CFAP73: variants seen among roughly 807,000 people sequenced by gnomAD.
CFAP73 encodes the protein cilia and flagella associated protein 73, also known as cilia- and flagella-associated protein 73.
A neutral mutation model predicts 42.9 loss-of-function variants in CFAP73; 33 were observed. The observed-to-expected ratio is 0.77, with a 90% CI of 0.58 to 1.03. The LOEUF is 1.03. Among genes scored for constraint, CFAP73 ranks in the 50% least tolerant of loss-of-function variants. The pLI is 0.00. For synonymous variants in CFAP73, 162 were observed against 186.8 expected, an observed-to-expected ratio of 0.87 and a Z score of 1.08; for missense variants, 392 against 411.9, an observed-to-expected ratio of 0.95 and a Z score of 0.42.
intron 3 of CFAP73, 85 bp downstream of exon 3, chr12:113,152,972 A>ATTT (rs1952078926): frequency 9.8e-7 from 1 of 1,023,618 alleles, no homozygotes; most frequent in Admixed American, 2.4e-5. Context: ...ACAAAAATAA[A>ATTT]AGAAGTGGTT....
chr12:113,150,803 C>T (rs1405165268), intron 1 of CFAP73, among the ~76,000 whole-genome samples: 1 of 152,108 alleles, frequency 6.6e-6, no homozygotes, highest in Non-Finnish European at 1.5e-5. Context: ...ATTCTCAGCT[C>T]CTCCCTGCTC....
At chr12:113,151,777 A>G (rs1230137759) in intron 1 of CFAP73, 141 bp from the exon 2 acceptor site, 4 of 572,892 alleles carry the variant, frequency 7.0e-6, no homozygotes. Flanking sequence ...ACAAAGCAAG[A>G]CCCAAAAACA....
chr12:113,150,845 C>T (rs1286459589), intron 1 of CFAP73, among the ~76,000 whole-genome samples: 1 of 152,150 alleles, frequency 6.6e-6, no homozygotes, highest in Non-Finnish European at 1.5e-5. Context: ...CTCCCTCCCT[C>T]CTCTGCAGCC....
chr12:113,150,521 T>G (rs1952052470), intron 1 of CFAP73, among the ~76,000 whole-genome samples: 1 of 141,396 alleles, frequency 7.1e-6, no homozygotes, highest in Non-Finnish European at 1.5e-5. Context: ...AGCCTCATCC[T>G]TCCGGCTCCT....
At chr12:113,156,944 A>G (rs1478081292) in intron 6 of CFAP73, 2 of 152,136 alleles carry the variant, frequency 1.3e-5, no homozygotes, top group African/African-American at 4.8e-5. Flanking sequence ...ACCTCCCCTA[A>G]CACTCCCTGG....
Position 113,155,381 on chromosome 12 carries a change from C to A in CFAP73, c.812C>A (p.Thr271Asn), listed in dbSNP as rs1952110992. Residue 271 changes from threonine (T) to asparagine (N), a missense_variant, in exon 6 of 8, where the codon ACC (threonine) becomes AAC (asparagine). Physicochemically the swap from Thr to Asn is moderately conservative, Grantham distance 65. Transcript: ENST00000335621. ...TGCCAGCATCAGGGGCAGCCTCCCACCCTGGACATCGAGGACACGGAGGGA... is the reference window on the plus strand; with the variant it reads ...TGCCAGCATCAGGGGCAGCCTCCCAACCTGGACATCGAGGACACGGAGGGA... The part of the protein sequence containing the change: ...LVCQHQGQPP[T>N]LDIEDTEGQL... 9 of 1,551,352 alleles carry A rather than the reference C, an allele frequency of 5.8e-6. No homozygotes were observed. The highest frequency in any genetic ancestry group is 7.8e-6 in the Non-Finnish European group (9 of 1,146,644).
At position 113,154,483 on chromosome 12, in the gene CFAP73, A is replaced by C. The variant is rs1378365254; in HGVS notation, c.538A>C (p.Arg180=). 6.5e-7 allele frequency: 1 copy of C among 1,540,652 alleles called. No homozygotes were observed. Among genetic ancestry groups the C allele is most frequent in the Admixed American group, 2.0e-5 (1 of 50,388 alleles). The change falls in exon 5 of 8, where the codon AGG becomes CGG. Residue 180 remains arginine (R), a synonymous_variant. Transcript: ENST00000335621. The surrounding 1 kb of genome is among the most constrained non-coding windows in gnomAD (Gnocchi z 4.7). ...LAETQAALRL[R]EREQLAELEA... ...CGAGACGCAGGCGGCGCTGAGGCTC[A>C]GGGAGCGCGAGCAGCTCGCGGAGCT...
In CFAP73 at chr12:113,154,768, T is replaced by A. The variant is rs900426425; in HGVS notation, c.690+133T>A. 7.5e-7 allele frequency: 1 copy of A among 1,325,686 alleles called. No individual in the cohort carries two copies. The highest frequency in any genetic ancestry group is 1.5e-5 in the African/African-American group (1 of 64,530). 82.1% of individuals were successfully genotyped at this position (1,325,686 alleles called of 1,614,324 possible). On this transcript the variant is annotated intron_variant, in intron 5 of 7. Transcript: ENST00000335621. This position sits in a 1 kb window ranked among gnomAD's most constrained non-coding sequence, Gnocchi z 4.7. ...GGGTCCGCTGCACTAAGGAGGGGAA[T>A]CTCAGGCATCACCGAGCCGTTTCGG... is the stretch of plus-strand genomic sequence containing the variant.
rs1175480568 is a variant in CFAP73 at position 113,159,218 on chromosome 12, A to G, written c.*529A>G. 4 of 1,228,494 alleles carry G rather than the reference A, an allele frequency of 3.3e-6. No homozygotes were observed. Among genetic ancestry groups the G allele is most frequent in the Admixed American group, 2.4e-5 (1 of 42,266 alleles). The allele number at this position is 1,228,494 out of a possible 1,614,324, so 76.1% of individuals were successfully genotyped here. A position where few individuals can be genotyped will look rare whatever the true frequency, so the allele number is the denominator to read the frequency against. On this transcript the variant is annotated 3_prime_UTR_variant, in exon 8 of 8. Transcript: ENST00000335621. Reference sequence around the variant, plus strand: ...CTGCCCCTACTCCTGTTCTGTGCTTATTGCTGTGGCCCAGTGTCTGTACAC... The same window carrying G: ...CTGCCCCTACTCCTGTTCTGTGCTTGTTGCTGTGGCCCAGTGTCTGTACAC...
intron 5 of CFAP73, 55 bp from the exon 6 acceptor site, chr12:113,155,205 G>A: frequency 2.1e-6 from 3 of 1,441,088 alleles, no homozygotes; most frequent in East Asian, 2.6e-5. Flanking sequence ...GGGAAGAGGG[G>A]GCAGCCCGCC....
intron 1 of CFAP73, among the ~76,000 whole-genome samples, chr12:113,150,911 G>T (rs535420808): frequency 1.3e-5 from 2 of 152,262 alleles, no homozygotes; most frequent in South Asian, 4.1e-4. Context: ...CACGTGGCTT[G>T]CTCCCTCTTC....
In CFAP73 at chr12:113,154,458, C is replaced by G. The variant is rs1307619934; in HGVS notation, c.513C>G (p.Ala171=). 3.2e-6 allele frequency: 5 copies of G among 1,546,360 alleles called. No homozygotes were observed. Among genetic ancestry groups the G allele is most frequent in the African/African-American group, 2.8e-5 (2 of 72,250 alleles). The part of the protein sequence containing the change: ...PELVARFDGL[A]ETQAALRLRE... Reference sequence around the variant, plus strand: ...TGGTGGCGCGCTTCGACGGCCTGGCCGAGACGCAGGCGGCGCTGAGGCTCA... The same window carrying G: ...TGGTGGCGCGCTTCGACGGCCTGGCGGAGACGCAGGCGGCGCTGAGGCTCA... Residue 171 remains alanine, a synonymous_variant, in exon 5 of 8, where the codon GCC becomes GCG. Coordinates refer to ENST00000335621, the MANE Select transcript of CFAP73 (RefSeq NM_001144872.3). This position sits in a 1 kb window ranked among gnomAD's most constrained non-coding sequence, Gnocchi z 4.7.
intron 7 of CFAP73, 65 bp downstream of exon 7, chr12:113,157,755 G>T: frequency 3.3e-6 from 4 of 1,194,890 alleles, no homozygotes; most frequent in Non-Finnish European, 4.8e-6. Flanking sequence ...TTCCAATGGG[G>T]TGTGGACTGA....
intron 2 of CFAP73, 32 bp downstream of exon 2, chr12:113,152,055 G>GCCCCCACCAC: frequency 6.8e-7 from 1 of 1,478,542 alleles, no homozygotes; most frequent in Non-Finnish European, 9.2e-7. Flanking sequence ...GAGGTGGTGA[G>GCCCCCACCAC]CTGGTGGATG....
Position 113,158,138 on chromosome 12 carries a change from G to A in CFAP73, c.*11+448G>A, listed in dbSNP as rs972793990. 1 of 169,378 alleles carries A rather than the reference G, an allele frequency of 5.9e-6. No homozygotes were observed. The highest frequency in any genetic ancestry group is 2.4e-5 in the African/African-American group (1 of 42,296). The allele number at this position is 169,378 out of a possible 1,614,324, so 10.5% of individuals were successfully genotyped here. A position where few individuals can be genotyped will look rare whatever the true frequency, so the allele number is the denominator to read the frequency against. On this transcript the variant is annotated intron_variant, in intron 7 of 7. Transcript: ENST00000335621. This position sits in a 1 kb window ranked among gnomAD's most constrained non-coding sequence, Gnocchi z 4.9. ...TCTCAGAACCTCAAACAGGGGGTGG[G>A]TGGCAAGAAGACAGAGGACAGGCCA... is the stretch of plus-strand genomic sequence containing the variant.
In CFAP73 at chr12:113,151,996, A is replaced by T; in HGVS notation, c.135A>T (p.Ala45=). ...LLEKRQELVD[A]DQALQAQKEV... ...AGAAGAGGCAAGAGCTGGTAGATGC[A>T]GACCAGGCCCTGCAGGCCCAGAAGG... Residue 45 remains alanine (A), a synonymous_variant, in exon 2 of 8, where the codon GCA becomes GCT. Transcript: ENST00000335621. 1 of 1,551,516 alleles carries T rather than the reference A, an allele frequency of 6.4e-7. No individual in the cohort carries two copies. The highest frequency in any genetic ancestry group is 8.7e-7 in the Non-Finnish European group (1 of 1,146,902).
rs189148376 is a variant in CFAP73, at chr12:113,154,744, G to C, written c.690+109G>C. 487 of 1,349,810 alleles carry C rather than the reference G, an allele frequency of 3.6e-4. No homozygotes were observed. Among genetic ancestry groups the C allele is most frequent in the Non-Finnish European group, 4.4e-4 (468 of 1,058,282 alleles). 83.6% of individuals were successfully genotyped at this position (1,349,810 alleles called of 1,614,324 possible). On this transcript the variant is annotated intron_variant, in intron 5 of 7. Transcript: ENST00000335621. The surrounding 1 kb of genome is among the most constrained non-coding windows in gnomAD (Gnocchi z 4.7). ...CGATGGGGCAATGCTTACCCCAGAGGGTCCGCTGCACTAAGGAGGGGAATC... is the reference window on the plus strand; with the variant it reads ...CGATGGGGCAATGCTTACCCCAGAGCGTCCGCTGCACTAAGGAGGGGAATC...
At position 113,158,586 on chromosome 12, in the gene CFAP73, C is replaced by A; in HGVS notation, c.*12-115C>A. On this transcript the variant is annotated intron_variant, in intron 7 of 7. Coordinates refer to ENST00000335621, the MANE Select transcript of CFAP73 (RefSeq NM_001144872.3). This position sits in a 1 kb window ranked among gnomAD's most constrained non-coding sequence, Gnocchi z 4.9. ...CCGGTGCAGCCATGACCTCTGAACC[C>A]AGAACACATGGAAGCAGCAGCAGCT... 2.4e-6 allele frequency: 1 copy of A among 413,450 alleles called. No individual in the cohort carries two copies. The highest frequency in any genetic ancestry group is 4.3e-6 in the Non-Finnish European group (1 of 233,142). 25.6% of individuals were successfully genotyped at this position (413,450 alleles called of 1,614,324 possible).
rs556181766 is a variant in CFAP73 at position 113,158,637 on chromosome 12, G to A, written c.*12-64G>A. ...GAGTTGCCAACTCAAGTCTTGGCCTGCCTGGCTTTGCTGGCGAACTCCTGC... is the reference window on the plus strand; with the variant it reads ...GAGTTGCCAACTCAAGTCTTGGCCTACCTGGCTTTGCTGGCGAACTCCTGC... On this transcript the variant is annotated intron_variant, in intron 7 of 7. Coordinates refer to ENST00000335621, the MANE Select transcript of CFAP73 (RefSeq NM_001144872.3). The surrounding 1 kb of genome is among the most constrained non-coding windows in gnomAD (Gnocchi z 4.9). 2.0e-6 allele frequency: 1 copy of A among 490,228 alleles called. No individual in the cohort carries two copies. Among genetic ancestry groups the A allele is most frequent in the Non-Finnish European group, 3.5e-6 (1 of 284,600 alleles). 30.4% of individuals were successfully genotyped at this position (490,228 alleles called of 1,614,324 possible).
Sources: gnomAD v4.1 joint callset for allele counts (sites outside exome capture counted in the v4.1 genomes callset) on GRCh38, gnomAD v4.1.1 for gene constraint, Gnocchi (gnomAD v3.1) non-coding constraint, MANE v1.5 for transcripts, NCBI Gene and HGNC (gene_info 2026-07-23, HGNC 2026-07-21) for gene names.